Variants in FARS2 observed in about 807,000 individuals in gnomAD.
FARS2 encodes phenylalanine--tRNA ligase, mitochondrial.
A neutral mutation model predicts 46.4 loss-of-function variants in FARS2; 40 were observed. The ratio of observed to expected loss-of-function variants is 0.86; its 90% CI spans 0.67 to 1.12. The LOEUF (loss-of-function observed/expected upper bound fraction) is 1.12. Ranked by LOEUF, FARS2 falls within the 50% of genes most tolerant of loss-of-function variation. The probability of loss-of-function intolerance (pLI) is 0.00; values close to 1 mark genes in which losing one functional copy is unlikely to be tolerated. For missense variants in FARS2, 513 were observed against 567.9 expected (o/e 0.90, Z 0.98); for synonymous variants, 234 against 214.9 (o/e 1.09, Z -0.78).
At chr6:5,422,407 T>C (rs142144763) in intron 3 of FARS2, among the ~76,000 whole-genome samples, 55 of 152,186 alleles carry the variant, frequency 3.6e-4, no homozygotes, top group Middle Eastern at 3.4e-3. Flanking sequence ...AATGTCACTG[T>C]TGTGTGTTAG....
At chr6:5,634,799 G>A (rs752353908) in intron 6 of FARS2, among the ~76,000 whole-genome samples, 8 of 152,218 alleles carry the variant, frequency 5.3e-5, no homozygotes, top group Non-Finnish European at 1.2e-4. Flanking sequence ...TAACTGGAAT[G>A]CAAAGCCTCT....
At chr6:5,366,297 T>C (rs773863104) in intron 1 of FARS2, among the ~76,000 whole-genome samples, 28 of 152,326 alleles carry the variant, frequency 1.8e-4, no homozygotes, top group Non-Finnish European at 3.1e-4. Flanking sequence ...AATGTATTAA[T>C]AGAAGTATGA....
At chr6:5,752,059 A>G (rs1471033384) in intron 6 of FARS2, among the ~76,000 whole-genome samples, 1 of 152,054 alleles carries the variant, frequency 6.6e-6, no homozygotes, top group South Asian at 2.1e-4. Flanking sequence ...GTGCCGTGCA[A>G]AGATCCCAAG....
intron 4 of FARS2, among the ~76,000 whole-genome samples, chr6:5,434,753 C>G (rs1763424277): frequency 6.6e-6 from 1 of 151,232 alleles, no homozygotes; most frequent in Non-Finnish European, 1.5e-5. Flanking sequence ...CCCCTGCTCT[C>G]CCTTCCTTCT....
At chr6:5,425,909 G>T (rs534437278) in intron 3 of FARS2, among the ~76,000 whole-genome samples, 1 of 152,282 alleles carries the variant, frequency 6.6e-6, no homozygotes, top group South Asian at 2.1e-4. Flanking sequence ...CTGGGTGAGG[G>T]CAATCATTAT....
At chr6:5,285,907 A>G (rs1211338939) in intron 1 of FARS2, among the ~76,000 whole-genome samples, 1 of 152,192 alleles carries the variant, frequency 6.6e-6, no homozygotes, top group African/African-American at 2.4e-5. Flanking sequence ...AATTGTTAAG[A>G]AAGTTCATAC....
chr6:5,656,305 C>T (rs1040535010), intron 6 of FARS2, among the ~76,000 whole-genome samples: 1 of 152,210 alleles, frequency 6.6e-6, no homozygotes, highest in South Asian at 2.1e-4. Flanking sequence ...CTGTAGCTGG[C>T]TCCAATATGT....
At chr6:5,565,283 C>A (rs1268318431) in intron 5 of FARS2, among the ~76,000 whole-genome samples, 1 of 152,204 alleles carries the variant, frequency 6.6e-6, no homozygotes, top group Non-Finnish European at 1.5e-5. Context: ...AGGTTACTTT[C>A]ACTTTCTGAG....
rs182255376 is a variant in FARS2 at position 5,393,436 on chromosome 6, C to T, written c.613-11106C>T. ...CTTTGGGAGGCTGAGGTGGGCGGAT[C>T]GCGAGGTCAAGAGATCGAGACCATC... is the stretch of plus-strand genomic sequence containing the variant. On this transcript the variant is annotated intron_variant, in intron 2 of 6. Coordinates refer to ENST00000274680, the MANE Select transcript of FARS2 (RefSeq NM_006567.5). Among the ~76,000 whole-genome samples, 461 of 152,080 alleles carry T rather than the reference C, an allele frequency of 3.0e-3. 1 individual carries two copies. Among genetic ancestry groups the T allele is most frequent in the Non-Finnish European group, 4.4e-3 (297 of 67,992 alleles).
chr6:5,309,596 T>G (rs1768949222), intron 1 of FARS2, among the ~76,000 whole-genome samples: 1 of 152,142 alleles, frequency 6.6e-6, no homozygotes, highest in Non-Finnish European at 1.5e-5. Flanking sequence ...TGAAATAGGA[T>G]CTTATGACAG....
In FARS2 at chr6:5,747,016, G is replaced by T. The variant is rs371542879; in HGVS notation, c.1218-24275G>T. On this transcript the variant is annotated intron_variant, in intron 6 of 6. Coordinates refer to ENST00000274680, the MANE Select transcript of FARS2 (RefSeq NM_006567.5). ...GATGAGCAAAGACATGCAGGAGTGGGCCAGATGGAGACTGGGAAGAGCATT... is the reference window on the plus strand; with the variant it reads ...GATGAGCAAAGACATGCAGGAGTGGTCCAGATGGAGACTGGGAAGAGCATT... 5.9e-5 allele frequency among the ~76,000 whole-genome samples: 9 copies of T among 152,316 alleles called. No individual in the cohort carries two copies. The South Asian group carries it at 1.2e-3, about 21-fold the overall frequency.
At chr6:5,356,372 T>A (rs2127616712) in intron 1 of FARS2, among the ~76,000 whole-genome samples, 1 of 152,220 alleles carries the variant, frequency 6.6e-6, no homozygotes. Flanking sequence ...ATCACTTGAA[T>A]CTGGGAGGCA....
chr6:5,465,860 CT>C (rs1055889081), intron 4 of FARS2, among the ~76,000 whole-genome samples: 7 of 151,558 alleles, frequency 4.6e-5, no homozygotes, highest in African/African-American at 1.7e-4. Context: ...CATAGCCATA[CT>C]TTTTTTGAAA....
chr6:5,271,755 G>T (rs1180497457), intron 1 of FARS2, among the ~76,000 whole-genome samples: 1 of 151,976 alleles, frequency 6.6e-6, no homozygotes, highest in African/African-American at 2.4e-5. Context: ...TAGAGATGGG[G>T]TTTCACTATA....
intron 4 of FARS2, among the ~76,000 whole-genome samples, chr6:5,516,611 C>A (rs980556030): frequency 3.3e-5 from 5 of 152,188 alleles, no homozygotes; most frequent in African/African-American, 1.2e-4. Flanking sequence ...CTATTTTGTA[C>A]TCATTTGCAA....
At chr6:5,360,210 A>C (rs546164511) in intron 1 of FARS2, among the ~76,000 whole-genome samples, 1 of 152,350 alleles carries the variant, frequency 6.6e-6, no homozygotes, top group Admixed American at 6.5e-5. Flanking sequence ...TATTGGTTGA[A>C]TGGTACTATG....
chr6:5,701,520 A>G (rs1758435800), intron 6 of FARS2, among the ~76,000 whole-genome samples: 1 of 152,204 alleles, frequency 6.6e-6, no homozygotes, highest in Non-Finnish European at 1.5e-5. Flanking sequence ...CAGTGACATC[A>G]TCCAGGCGCA....
In FARS2 at chr6:5,563,496, C is replaced by T. The variant is rs1352706528; in HGVS notation, c.1065+18156C>T. ...GATGCTTTAAAAAATGAAAACTTCC[C>T]AAGGACCCCTTTTCCTACATCATTC... is the stretch of plus-strand genomic sequence containing the variant. On this transcript the variant is annotated intron_variant, in intron 5 of 6. Transcript: ENST00000274680. Among the ~76,000 whole-genome samples the T allele has an allele frequency of 2.0e-5, 3 of 152,148 alleles. No homozygotes were observed. In the East Asian group the frequency reaches 5.8e-4, roughly 29 times the overall value.
At chr6:5,584,265 T>C (rs901696759) in intron 5 of FARS2, among the ~76,000 whole-genome samples, 3 of 152,148 alleles carry the variant, frequency 2.0e-5, no homozygotes, top group African/African-American at 7.2e-5. Context: ...CTTTTAGTTT[T>C]AGAAACCCAT....
Sources: gnomAD v4.1 joint callset for allele counts (sites outside exome capture counted in the v4.1 genomes callset) on GRCh38, gnomAD v4.1.1 for gene constraint, MANE v1.5 for transcripts, NCBI Gene and HGNC (gene_info 2026-07-23, HGNC 2026-07-21) for gene names.